The following RABGGTA variants were observed in gnomAD, a reference collection of about 807,000 sequenced individuals.
RABGGTA encodes Rab geranylgeranyltransferase subunit alpha, also known as geranylgeranyl transferase type-2 subunit alpha.
Under a neutral mutation model 83.3 loss-of-function variants are expected in RABGGTA, and 69 were observed. The ratio of observed to expected loss-of-function variants is 0.83; its 90% CI spans 0.68 to 1.01. RABGGTA has a LOEUF of 1.01. RABGGTA is among the 50% of genes least tolerant of loss of function. The pLI is 0.00. For missense variants in RABGGTA, 681 were observed against 712.7 expected (o/e 0.96, Z 0.51); for synonymous variants, 310 against 299.8 (o/e 1.03, Z -0.35).
At position 24,265,548 on chromosome 14, in the gene RABGGTA, GA is replaced by G. The variant is rs546524817; in HGVS notation, c.*66del. On this transcript the variant is annotated 3_prime_UTR_variant, in exon 17 of 17. Coordinates refer to ENST00000216840, the MANE Select transcript of RABGGTA (RefSeq NM_182836.3). Reference sequence around the variant, plus strand: ...AGCAGCGACAACAGCTTGGTAGCCTGAGAGGGCCTCTCCATTCTTTATTCAG... The same window carrying G: ...AGCAGCGACAACAGCTTGGTAGCCTGGAGGGCCTCTCCATTCTTTATTCAG... 463 of 1,559,396 alleles carry G rather than the reference GA, an allele frequency of 3.0e-4. 3 individuals are homozygous for G. The African/African-American group carries it at 5.7e-3, about 19-fold the overall frequency.
rs1339982339 is a variant in RABGGTA, at chr14:24,270,388, A to G, written c.185T>C (p.Phe62Ser). ...TCGTCGGCAGTTCCAGAGGGTGGCA[A>G]AATCAGGGTTGGCTCCCAGAATCTG... is the stretch of plus-strand genomic sequence containing the variant. ...TSQILGANPDFATLWNCRREV... is the reference protein window; with the variant it reads ...TSQILGANPDSATLWNCRREV... The change falls in exon 4 of 17, where the codon TTT (phenylalanine) becomes TCT (serine). Residue 62 changes from phenylalanine (F) to serine (S), a missense_variant. Transcript: ENST00000216840. 2 of 1,613,958 alleles carry G rather than the reference A, an allele frequency of 1.2e-6. No individual in the cohort carries two copies. Among genetic ancestry groups the G allele is most frequent in the Non-Finnish European group, 1.7e-6 (2 of 1,179,882 alleles).
chr14:24,267,546 G>A (rs974956926), intron 14 of RABGGTA, 114 bp downstream of exon 14: 2 of 757,716 alleles, frequency 2.6e-6, no homozygotes, highest in South Asian at 3.7e-5. Context: ...AGGCAGGGAT[G>A]AACTCTATCT....
chr14:24,269,700 G>A lies in RABGGTA; in HGVS notation c.428-6C>T, dbSNP rs779189928. ...CCGATAGTCCCAGCAGTGAACTGGA[G>A]GGGAGAGGTGACAGCATATCTTAGA... is the stretch of plus-strand genomic sequence containing the variant. On this transcript the variant is annotated splice_region_variant and splice_polypyrimidine_tract_variant and intron_variant, in intron 5 of 16. Coordinates refer to ENST00000216840, the MANE Select transcript of RABGGTA (RefSeq NM_182836.3). The A allele has an allele frequency of 3.1e-6, 5 of 1,613,526 alleles. No individual in the cohort carries two copies. The highest frequency in any genetic ancestry group is 3.3e-5 in the Admixed American group (2 of 60,006).
chr14:24,266,669 T>G, intron 15 of RABGGTA, 107 bp downstream of exon 15: 1 of 1,250,488 alleles, frequency 8.0e-7, no homozygotes, highest in Non-Finnish European at 1.2e-6. Context: ...AGTTACCTGT[T>G]CGGGGTGGAG....
chr14:24,268,105 C>CTTTAT lies in RABGGTA; in HGVS notation c.1147+4_1147+5insATAAA, dbSNP rs1317256119. 6.2e-7 allele frequency: 1 copy of CTTTAT among 1,613,634 alleles called. No individual in the cohort carries two copies. The highest frequency in any genetic ancestry group is 8.5e-7 in the Non-Finnish European group (1 of 1,179,780). ...GGAGCAGACTCTCACGGAATGGGGCCTCACATTTATTCTCAGGCTCCAGCT... is the reference window on the plus strand; with the variant it reads ...GGAGCAGACTCTCACGGAATGGGGCCTTTATTCACATTTATTCTCAGGCTCCAGCT... On this transcript the variant is annotated splice_donor_region_variant and intron_variant, in intron 12 of 16. Coordinates refer to ENST00000216840, the MANE Select transcript of RABGGTA (RefSeq NM_182836.3).
intron 5 of RABGGTA, 120 bp downstream of exon 5, chr14:24,269,833 T>C: frequency 6.9e-7 from 1 of 1,446,300 alleles, no homozygotes; most frequent in South Asian, 1.3e-5. Flanking sequence ...CAACATCCCT[T>C]TCAGCACCAG....
intron 10 of RABGGTA, 29 bp downstream of exon 10, chr14:24,268,485 C>G: frequency 6.2e-7 from 1 of 1,613,608 alleles, no homozygotes; most frequent in Non-Finnish European, 8.5e-7. Context: ...GGGGCTGCTG[C>G]AAGGGGTGGA....
At position 24,269,578 on chromosome 14, in the gene RABGGTA, G is replaced by A. The variant is rs1324516434; in HGVS notation, c.544C>T (p.His182Tyr). Reference sequence around the variant, plus strand: ...TGGGGCAAGAGACAGGAGCGGTAATGCCAGGAAGAGTAGTTGGAGAAGTTT... The same window carrying A: ...TGGGGCAAGAGACAGGAGCGGTAATACCAGGAAGAGTAGTTGGAGAAGTTT... The part of the protein sequence containing the change: ...TRNFSNYSSW[H>Y]YRSCLLPQLH... The change falls in exon 6 of 17, where the codon CAT becomes TAT. Residue 182 changes from histidine to tyrosine, a missense_variant. By Grantham distance (83) the His-to-Tyr change is moderately conservative. Transcript: ENST00000216840. The A allele has an allele frequency of 1.9e-6, 3 of 1,611,896 alleles. No homozygotes were observed. In the Admixed American group the frequency reaches 5.0e-5, roughly 27 times the overall value.
At chr14:24,266,738 A>T in intron 15 of RABGGTA, 38 bp downstream of exon 15, 1 of 1,556,456 alleles carries the variant, frequency 6.4e-7, no homozygotes, top group Non-Finnish European at 8.9e-7. Flanking sequence ...AGAGGAAAAG[A>T]ACCACCCGTG....
chr14:24,269,696 T>C lies in RABGGTA; in HGVS notation c.428-2A>G. On this transcript the variant is annotated splice_acceptor_variant, in intron 5 of 16. Coordinates refer to ENST00000216840, the MANE Select transcript of RABGGTA (RefSeq NM_182836.3). LOFTEE classifies it high-confidence loss of function. ...ACCGCCGATAGTCCCAGCAGTGAAC[T>C]GGAGGGGAGAGGTGACAGCATATCT... The C allele has an allele frequency of 6.2e-7, 1 of 1,613,624 alleles. No homozygotes were observed. The highest frequency in any genetic ancestry group is 1.1e-5 in the South Asian group (1 of 91,082).
At chr14:24,268,006 G>A (rs1313286172) in intron 12 of RABGGTA, 48 bp from the exon 13 acceptor site, 5 of 1,601,504 alleles carry the variant, frequency 3.1e-6, no homozygotes, top group Non-Finnish European at 4.3e-6. Context: ...AACCTCCTCT[G>A]CTCCCATCCT....
chr14:24,267,806 A>G, intron 13 of RABGGTA, 30 bp from the exon 14 acceptor site: 2 of 1,611,234 alleles, frequency 1.2e-6, no homozygotes, highest in Non-Finnish European at 8.5e-7. Flanking sequence ...CAGGGTATGC[A>G]TGTCAGCTGC....
chr14:24,269,236 C>T (rs1268633553), intron 6 of RABGGTA, 73 bp from the exon 7 acceptor site: 23 of 1,390,010 alleles, frequency 1.7e-5, no homozygotes, highest in Admixed American at 4.0e-5. Flanking sequence ...ACACCCTACC[C>T]TCTCCTTGGA....
rs909273434 is a variant in RABGGTA, at chr14:24,270,359, C to A, written c.214G>T (p.Val72Leu). The A allele has an allele frequency of 6.2e-7, 1 of 1,612,496 alleles. No individual in the cohort carries two copies. The highest frequency in any genetic ancestry group is 1.7e-5 in the Admixed American group (1 of 59,732). ...FATLWNCRRE[V>L]LQQLETQKSP... Reference sequence around the variant, plus strand: ...TTCTGAGTCTCCAGCTGCTGGAGCACCTCTCGTCGGCAGTTCCAGAGGGTG... The same window carrying A: ...TTCTGAGTCTCCAGCTGCTGGAGCAACTCTCGTCGGCAGTTCCAGAGGGTG... Residue 72 changes from valine (V) to leucine (L), a missense_variant, in exon 4 of 17, where the codon GTG becomes TTG. By Grantham distance (32) the Val-to-Leu change is conservative. Around this residue, in one of 5 missense-constraint regions of RABGGTA, gnomAD observed 115 missense variants for 111.5 expected, o/e 1.03. Transcript: ENST00000216840.
chr14:24,269,196 C>A (rs1435727445), intron 6 of RABGGTA, 33 bp from the exon 7 acceptor site: 1 of 1,582,164 alleles, frequency 6.3e-7, no homozygotes, highest in South Asian at 1.1e-5. Context: ...GGGCTGTGGT[C>A]AGGACACTGG....
Position 24,268,718 on chromosome 14 carries a change from G to C in RABGGTA, c.900+7C>G. 1 of 1,600,592 alleles carries C rather than the reference G, an allele frequency of 6.2e-7. No homozygotes were observed. The highest frequency in any genetic ancestry group is 8.5e-7 in the Non-Finnish European group (1 of 1,173,266). ...CCCCAACTTCTGCCCCACCAATCCT[G>C]GGATACCCAGACATGGCTGGGCCGG... On this transcript the variant is annotated splice_region_variant and intron_variant, in intron 9 of 16. Coordinates refer to ENST00000216840, the MANE Select transcript of RABGGTA (RefSeq NM_182836.3).
chr14:24,267,408 G>T (rs896632766), intron 14 of RABGGTA, among the ~76,000 whole-genome samples: 12 of 152,164 alleles, frequency 7.9e-5, no homozygotes, highest in African/African-American at 2.9e-4. Flanking sequence ...TCTGAAGGAA[G>T]ATGAAGCTGT....
At chr14:24,268,335 C>G (rs989689956) in intron 11 of RABGGTA, 34 bp downstream of exon 11, 1 of 1,612,870 alleles carries the variant, frequency 6.2e-7, no homozygotes, top group Admixed American at 1.7e-5. Context: ...GAGTCCAGAG[C>G]CCCTCTCCTT....
At chr14:24,266,730 A>G in intron 15 of RABGGTA, 46 bp downstream of exon 15, 4 of 1,524,950 alleles carry the variant, frequency 2.6e-6, no homozygotes, top group Non-Finnish European at 3.6e-6. Context: ...GGAGAGGAAG[A>G]GGAAAAGAAC....
Sources: allele counts gnomAD v4.1 joint callset (sites outside exome capture counted in the v4.1 genomes callset), GRCh38; gene constraint gnomAD v4.1.1; regional missense constraint gnomAD v4.1.1; transcripts MANE v1.5; gene names NCBI Gene and HGNC (gene_info 2026-07-23, HGNC 2026-07-21).